ETV5: variants seen among roughly 807,000 people sequenced by gnomAD.
ETV5 encodes ETS variant transcription factor 5.
ETV5 carries 10 observed loss-of-function variants against 70.0 expected under a neutral mutation model. The observed-to-expected ratio is 0.14, with a 90% CI of 0.09 to 0.24. The LOEUF is 0.24. Among genes scored for constraint, ETV5 ranks in the 10% least tolerant of loss-of-function variants. The pLI is 1.00. For synonymous variants in ETV5, 216 were observed against 242.2 expected, an observed-to-expected ratio of 0.89 and a Z score of 1.01; for missense variants, 453 against 651.2, an observed-to-expected ratio of 0.70 and a Z score of 3.31.
In ETV5 at chr3:186,080,032, A is replaced by G; in HGVS notation, c.435T>C (p.His145=). The part of the protein sequence containing the change: ...TPPTTPLSPT[H]QNPLFPPPQA... ...GAGGTGGGGGAAATAGGGGATTCTGATGGGTGGGTGAGAGGGGGGTTGTAG... is the reference window on the plus strand; with the variant it reads ...GAGGTGGGGGAAATAGGGGATTCTGGTGGGTGGGTGAGAGGGGGGTTGTAG... Residue 145 remains histidine, a synonymous_variant, in exon 7 of 13, where the codon CAT becomes CAC. Transcript: ENST00000306376. 2.7e-6 allele frequency: 4 copies of G among 1,497,204 alleles called. No homozygotes were observed. The highest frequency in any genetic ancestry group is 3.6e-6 in the Non-Finnish European group (4 of 1,125,428). The allele number at this position is 1,497,204 out of a possible 1,614,324, so 92.7% of individuals were successfully genotyped here.
chr3:186,091,681 G>C (rs1187444525), intron 5 of ETV5, among the ~76,000 whole-genome samples: 2 of 152,140 alleles, frequency 1.3e-5, no homozygotes, highest in Non-Finnish European at 2.9e-5. Context: ...CTCAATTCTT[G>C]CTGATTTAGA....
intron 5 of ETV5, among the ~76,000 whole-genome samples, chr3:186,097,200 A>G (rs1714326013): frequency 6.6e-6 from 1 of 151,974 alleles, no homozygotes; most frequent in Non-Finnish European, 1.5e-5. Context: ...GTCCAGTGGA[A>G]GGGTTTACAG....
chr3:186,087,226 G>C (rs1311628819), intron 5 of ETV5, among the ~76,000 whole-genome samples: 1 of 152,146 alleles, frequency 6.6e-6, no homozygotes, highest in Non-Finnish European at 1.5e-5. Context: ...AATATGCTGA[G>C]CTAAAAGAAG....
intron 9 of ETV5, among the ~76,000 whole-genome samples, chr3:186,062,700 C>A (rs1480552027): frequency 6.6e-6 from 1 of 152,084 alleles, no homozygotes; most frequent in Non-Finnish European, 1.5e-5. Context: ...ATTTATGCAT[C>A]TAAAGAACAC....
chr3:186,100,593 G>A (rs997400753), intron 5 of ETV5, among the ~76,000 whole-genome samples: 2 of 152,182 alleles, frequency 1.3e-5, no homozygotes, highest in Admixed American at 6.5e-5. Context: ...TTCCCCAGCC[G>A]TCTATTGCAA....
chr3:186,090,425 C>T (rs1253032957), intron 5 of ETV5, among the ~76,000 whole-genome samples: 1 of 152,196 alleles, frequency 6.6e-6, no homozygotes, highest in Non-Finnish European at 1.5e-5. Flanking sequence ...ATCAACCTGC[C>T]TGGGTAAAAA....
At chr3:186,062,241 G>A (rs1030206867) in intron 9 of ETV5, among the ~76,000 whole-genome samples, 2 of 152,222 alleles carry the variant, frequency 1.3e-5, no homozygotes, top group African/African-American at 4.8e-5. Flanking sequence ...AGGAGATGAA[G>A]AGTATGGGCT....
intron 7 of ETV5, among the ~76,000 whole-genome samples, chr3:186,074,891 A>G (rs1404526011): frequency 6.6e-6 from 1 of 151,606 alleles, no homozygotes; most frequent in East Asian, 1.9e-4. Flanking sequence ...AAGAATAAAC[A>G]AGTTAGGTTT....
intron 5 of ETV5, among the ~76,000 whole-genome samples, chr3:186,093,761 G>T (rs1047003634): frequency 4.6e-5 from 7 of 152,322 alleles, no homozygotes; most frequent in East Asian, 1.9e-4. Context: ...GAAGAAATGT[G>T]ATCAAGTCTA....
intron 12 of ETV5, among the ~76,000 whole-genome samples, chr3:186,050,389 T>C (rs1051826477): frequency 6.6e-6 from 1 of 152,158 alleles, no homozygotes; most frequent in Non-Finnish European, 1.5e-5. Flanking sequence ...CAAGTTACTG[T>C]GTCCTGGGTT....
At chr3:186,108,504 G>A (rs1271697124) in intron 1 of ETV5, 1 of 1,286,736 alleles carries the variant, frequency 7.8e-7, no homozygotes, top group Non-Finnish European at 1.0e-6. Context: ...GCGCCTCTCA[G>A]ACATTCCCCT....
At chr3:186,095,266 C>G (rs1714277016) in intron 5 of ETV5, 1 of 152,172 alleles carries the variant, frequency 6.6e-6, no homozygotes, top group African/African-American at 2.4e-5. Flanking sequence ...TGAAGGGCTG[C>G]TCACACTGGA....
chr3:186,090,674 G>T (rs1244322405), intron 5 of ETV5, among the ~76,000 whole-genome samples: 1 of 152,206 alleles, frequency 6.6e-6, no homozygotes, highest in African/African-American at 2.4e-5. Flanking sequence ...GGGTCCTCCA[G>T]AGAGTGCAAG....
chr3:186,059,935 A>G (rs1713264022), intron 9 of ETV5, among the ~76,000 whole-genome samples: 1 of 152,164 alleles, frequency 6.6e-6, no homozygotes, highest in African/African-American at 2.4e-5. Flanking sequence ...TGATAAATTT[A>G]TTTTCCAATT....
chr3:186,085,578 G>A (rs1166846356), intron 5 of ETV5, among the ~76,000 whole-genome samples: 2 of 146,640 alleles, frequency 1.4e-5, no homozygotes, highest in South Asian at 2.2e-4. Flanking sequence ...GTGCAATCTC[G>A]GCTCACTGCA....
intron 1 of ETV5, among the ~76,000 whole-genome samples, chr3:186,107,201 C>T (rs1714609166): frequency 6.6e-6 from 1 of 152,182 alleles, no homozygotes; most frequent in African/African-American, 2.4e-5. Context: ...AAATAGCACA[C>T]AGTTCATAAC....
chr3:186,076,750 AGCTTACTC>A (rs759335501), intron 7 of ETV5, among the ~76,000 whole-genome samples: 2 of 152,228 alleles, frequency 1.3e-5, no homozygotes, highest in Non-Finnish European at 2.9e-5. Flanking sequence ...ATCCTCAAAG[AGCTTACTC>A]TATTCAACTG....
intron 7 of ETV5, among the ~76,000 whole-genome samples, chr3:186,071,759 T>G (rs1332018699): frequency 6.6e-6 from 1 of 151,328 alleles, no homozygotes; most frequent in African/African-American, 2.4e-5. Context: ...TTACATGAGG[T>G]CGGGAGTTTG....
chr3:186,097,519 T>C (rs1714333575), intron 5 of ETV5, among the ~76,000 whole-genome samples: 2 of 152,218 alleles, frequency 1.3e-5, no homozygotes, highest in South Asian at 2.1e-4. Context: ...CAGCCTCAGA[T>C]CAAGTCTCAA....
Sources: gnomAD v4.1 joint callset for allele counts (sites outside exome capture counted in the v4.1 genomes callset) on GRCh38, gnomAD v4.1.1 for gene constraint, MANE v1.5 for transcripts, NCBI Gene and HGNC (gene_info 2026-07-23, HGNC 2026-07-21) for gene names.